The following SLCO1B1 variants were observed in gnomAD, a reference collection of about 807,000 sequenced individuals.
The protein encoded by SLCO1B1 is OATP-2.
Under a neutral mutation model 70.1 loss-of-function variants are expected in SLCO1B1, and 81 were observed. That is an observed-to-expected ratio of 1.16 (90% confidence interval 0.97 to 1.39). The LOEUF (loss-of-function observed/expected upper bound fraction) is 1.39. SLCO1B1 is among the 40% of genes most tolerant of loss of function. SLCO1B1 has a pLI of 0.00. For missense variants in SLCO1B1, 895 were observed against 799.6 expected, an observed-to-expected ratio of 1.12 and a Z score of -1.44; for synonymous variants, 283 against 271.5, an observed-to-expected ratio of 1.04 and a Z score of -0.42.
chr12:21,190,397 C>G (rs112008421), intron 7 of SLCO1B1, among the ~76,000 whole-genome samples: 396 of 152,270 alleles, frequency 2.6e-3, no homozygotes, highest in Middle Eastern at 0.014. Flanking sequence ...TCACCACATA[C>G]CTGTGTCTGA....
chr12:21,194,150 C>G (rs1941065212), intron 7 of SLCO1B1, among the ~76,000 whole-genome samples: 1 of 151,670 alleles, frequency 6.6e-6, no homozygotes, highest in Non-Finnish European at 1.5e-5. Flanking sequence ...CAAAATGCAG[C>G]CAAGTACTTT....
intron 8 of SLCO1B1, 51 bp downstream of exon 8, chr12:21,197,239 A>G (rs1220162450): frequency 1.9e-6 from 3 of 1,596,234 alleles, no homozygotes; most frequent in Non-Finnish European, 2.6e-6. Flanking sequence ...CTCAATGAAA[A>G]GGAAGAATGA....
chr12:21,137,866 C>T (rs1565662765), intron 1 of SLCO1B1, among the ~76,000 whole-genome samples: 1 of 152,188 alleles, frequency 6.6e-6, no homozygotes. Flanking sequence ...GTCTGGCACT[C>T]CCCAGTGAGA....
In SLCO1B1 at chr12:21,192,631, C is replaced by G. The variant is rs181567185; in HGVS notation, c.728-4315C>G. Among the ~76,000 whole-genome samples the G allele has an allele frequency of 2.4e-3, 363 of 151,240 alleles. 1 individual carries two copies. The highest frequency in any genetic ancestry group is 8.5e-3 in the African/African-American group (351 of 41,292). On this transcript the variant is annotated intron_variant, in intron 7 of 14. Transcript: ENST00000256958. ...CTTTTTTTCTCCTGCTAACTTTGGC[C>G]TTAGTTTGTTTTTCTTTTTATAATT...
At chr12:21,134,928 G>A (rs891012958) in intron 1 of SLCO1B1, among the ~76,000 whole-genome samples, 2 of 151,886 alleles carry the variant, frequency 1.3e-5, no homozygotes, top group East Asian at 1.9e-4. Context: ...GTGATGTTGG[G>A]GTGTCAATTT....
In SLCO1B1 at chr12:21,176,909, T is replaced by C. The variant is rs1940828057; in HGVS notation, c.481+12T>C. 5 of 1,540,364 alleles carry C rather than the reference T, an allele frequency of 3.2e-6. No individual in the cohort carries two copies. The highest frequency in any genetic ancestry group is 1.4e-5 in the African/African-American group (1 of 73,908). The stretch of plus-strand genomic sequence containing the variant: ...GATAGTGGGAAAAGGTAAGAATTAA[T>C]ATTGACAGTAAAAAGTCTTCTAAAA... On this transcript the variant is annotated intron_variant, in intron 5 of 14. Transcript: ENST00000256958.
intron 2 of SLCO1B1, among the ~76,000 whole-genome samples, chr12:21,158,510 A>C (rs1940571562): frequency 6.6e-6 from 1 of 152,306 alleles, no homozygotes; most frequent in East Asian, 1.9e-4. Context: ...CCTGGCCAAC[A>C]TAGTGAAACC....
intron 2 of SLCO1B1, among the ~76,000 whole-genome samples, chr12:21,169,087 T>C (rs964601341): frequency 2.0e-5 from 3 of 152,168 alleles, no homozygotes; most frequent in Non-Finnish European, 4.4e-5. Context: ...CATGTGGGTA[T>C]CCAGTTTCCC....
intron 10 of SLCO1B1, among the ~76,000 whole-genome samples, chr12:21,205,126 A>G (rs1941200515): frequency 6.6e-6 from 1 of 151,982 alleles, no homozygotes; most frequent in South Asian, 2.1e-4. Context: ...TAACACATCA[A>G]TCCTCAATTA....
At chr12:21,207,737 T>G (rs527323799) in intron 11 of SLCO1B1, among the ~76,000 whole-genome samples, 1 of 152,194 alleles carries the variant, frequency 6.6e-6, no homozygotes, top group East Asian at 1.9e-4. Flanking sequence ...ACACAGTGAC[T>G]GAACTAATTT....
intron 7 of SLCO1B1, among the ~76,000 whole-genome samples, chr12:21,186,190 A>T (rs1180989396): frequency 6.6e-6 from 1 of 152,128 alleles, no homozygotes; most frequent in African/African-American, 2.4e-5. Context: ...ACACATATGT[A>T]CCTCATATTA....
At chr12:21,203,573 T>A (rs1941181742) in intron 10 of SLCO1B1, among the ~76,000 whole-genome samples, 1 of 152,068 alleles carries the variant, frequency 6.6e-6, no homozygotes, top group Non-Finnish European at 1.5e-5. Flanking sequence ...ACTTGTCAAA[T>A]ATTCCCACAT....
chr12:21,149,591 G>A (rs765752956), intron 2 of SLCO1B1, among the ~76,000 whole-genome samples: 112 of 152,156 alleles, frequency 7.4e-4, no homozygotes, highest in Non-Finnish European at 2.1e-4. Flanking sequence ...AACCTGGGAA[G>A]TGCAAGTTGT....
chr12:21,194,664 A>G (rs1361816815), intron 7 of SLCO1B1, among the ~76,000 whole-genome samples: 1 of 152,146 alleles, frequency 6.6e-6, no homozygotes. Context: ...CTCATTACCT[A>G]GTTCCAAAGT....
chr12:21,173,393 A>G (rs1301069596), intron 3 of SLCO1B1, among the ~76,000 whole-genome samples: 2 of 151,242 alleles, frequency 1.3e-5, no homozygotes, highest in African/African-American at 2.4e-5. Flanking sequence ...TTTTCTGGGA[A>G]TTTTTCTCTT....
intron 11 of SLCO1B1, among the ~76,000 whole-genome samples, chr12:21,216,716 C>A (rs1385030259): frequency 6.6e-6 from 1 of 152,072 alleles, no homozygotes; most frequent in East Asian, 1.9e-4. Context: ...TATCTGAATT[C>A]TTTGGATAAT....
rs113541422 is a variant in SLCO1B1 at position 21,208,805 on chromosome 12, C to T, written c.1497+2772C>T. Among the ~76,000 whole-genome samples the T allele has an allele frequency of 2.8e-3, 420 of 152,094 alleles. 2 individuals are homozygous for T. The highest frequency in any genetic ancestry group is 9.7e-3 in the African/African-American group (402 of 41,522). On this transcript the variant is annotated intron_variant, in intron 11 of 14. Coordinates refer to ENST00000256958, the MANE Select transcript of SLCO1B1 (RefSeq NM_006446.5). ...TTGTGTCACCTATAATTTCTTTCAT[C>T]AGGGTTTGTATTTATCCTAGTAGAG...
At chr12:21,233,584 A>T in intron 14 of SLCO1B1, among the ~76,000 whole-genome samples, 1 of 128,026 alleles carries the variant, frequency 7.8e-6, no homozygotes. Context: ...AAAAAAAAAA[A>T]CAAGAGCCCC....
chr12:21,217,223 T>G lies in SLCO1B1; in HGVS notation c.1602T>G (p.Phe534Leu). 6.2e-7 allele frequency: 1 copy of G among 1,613,768 alleles called. No individual in the cohort carries two copies. Among genetic ancestry groups the G allele is most frequent in the South Asian group, 1.1e-5 (1 of 91,082 alleles). Residue 534 changes from phenylalanine to leucine, a missense_variant, in exon 12 of 15, where the codon TTT becomes TTG. Transcript: ENST00000256958. The stretch of plus-strand genomic sequence containing the variant: ...GAGATGATGCTTGTACAAGGAAATT[T>G]TACTTTTTTGTTGCAATACAAGTCT... ...CPRDDACTRK[F>L]YFFVAIQVLN...
Sources: gnomAD v4.1 joint callset for allele counts (sites outside exome capture counted in the v4.1 genomes callset) on GRCh38, gnomAD v4.1.1 for gene constraint, MANE v1.5 for transcripts, NCBI Gene and HGNC (gene_info 2026-07-23, HGNC 2026-07-21) for gene names.